ABCC4: variants seen among roughly 807,000 people sequenced by gnomAD.
The protein encoded by ABCC4 is ATP-binding cassette sub-family C member 4.
ABCC4 carries 102 observed loss-of-function variants against 168.5 expected under a neutral mutation model. The observed-to-expected ratio is 0.61, with a 90% CI of 0.52 to 0.71. The LOEUF (loss-of-function observed/expected upper bound fraction) is 0.71, where lower values mean the gene tolerates loss of function less well. ABCC4 is among the 30% of genes least tolerant of loss of function. The pLI is 0.00. For synonymous variants in ABCC4, 617 were observed against 590.7 expected (o/e 1.04, Z -0.65); for missense variants, 1,402 against 1,605.8 (o/e 0.87, Z 2.17).
At chr13:95,075,991 C>T (rs1368185189) in intron 21 of ABCC4, among the ~76,000 whole-genome samples, 1 of 152,164 alleles carries the variant, frequency 6.6e-6, no homozygotes, top group Non-Finnish European at 1.5e-5. Context: ...TGTCTGTCCC[C>T]ACCTTAAATT....
chr13:95,132,011 A>T (rs2035983942), intron 19 of ABCC4, among the ~76,000 whole-genome samples: 2 of 152,210 alleles, frequency 1.3e-5, no homozygotes. Context: ...TCATGTTCAC[A>T]GCAGCACTAT....
At position 95,186,856 on chromosome 13, in the gene ABCC4, G is replaced by A. The variant is rs1228593976; in HGVS notation, c.1390C>T (p.Pro464Ser). ...TGCACGCTGACCAGCCCGTGACTTG[G>A]GGCCAATTCCCCGAGCACGGCACTT... is the stretch of plus-strand genomic sequence containing the variant. ...LLSAVLGELA[P>S]SHGLVSVHGR... The change falls in exon 11 of 31, where the codon CCA becomes TCA. Residue 464 changes from proline (P) to serine (S), a missense_variant. By Grantham distance (74) the Pro-to-Ser change is moderately conservative. Transcript: ENST00000645237. The A allele has an allele frequency of 1.9e-6, 3 of 1,613,372 alleles. No individual in the cohort carries two copies. The highest frequency in any genetic ancestry group is 2.2e-5 in the South Asian group (2 of 90,864).
At chr13:95,106,342 T>C (rs1467805098) in intron 20 of ABCC4, among the ~76,000 whole-genome samples, 3 of 149,856 alleles carry the variant, frequency 2.0e-5, no homozygotes, top group Admixed American at 2.0e-4. Flanking sequence ...TGTGTGTGCG[T>C]ATATATGTGC....
At chr13:95,109,386 G>A (rs541870127) in intron 20 of ABCC4, among the ~76,000 whole-genome samples, 55 of 77,922 alleles carry the variant, frequency 7.1e-4, no homozygotes, top group African/African-American at 2.3e-3. Flanking sequence ...AGCCACAGGT[G>A]TGCAAACACA....
Position 95,074,344 on chromosome 13 carries a change from TA to T in ABCC4, c.2807-21del, listed in dbSNP as rs11568706. The T allele has an allele frequency of 3.6e-5, 57 of 1,573,210 alleles. No homozygotes were observed. The African/African-American group carries it at 7.2e-4, about 20-fold the overall frequency. On this transcript the variant is annotated intron_variant, in intron 22 of 30. Coordinates refer to ENST00000645237, the MANE Select transcript of ABCC4 (RefSeq NM_005845.5). ...AAGCCTCTGAATTTGAGAACGGTAA[TA>T]AGCATGATGAATAAGTAGATGAATG...
rs764533937 is a variant in ABCC4 at position 95,177,987 on chromosome 13, T to G, written c.1640+10A>C. 8 of 1,613,930 alleles carry G rather than the reference T, an allele frequency of 5.0e-6. No homozygotes were observed. In the Admixed American group the frequency reaches 1.0e-4, roughly 20 times the overall value. ...GACACCGGCATAGTGGCTGCTGAAATGCAACTTACCTTGCAAGGTTTACCC... is the reference window on the plus strand; with the variant it reads ...GACACCGGCATAGTGGCTGCTGAAAGGCAACTTACCTTGCAAGGTTTACCC... On this transcript the variant is annotated intron_variant, in intron 12 of 30. Transcript: ENST00000645237.
Position 95,301,352 on chromosome 13 carries a change from G to C in ABCC4, c.-38C>G. 1.9e-6 allele frequency: 3 copies of C among 1,543,088 alleles called. No homozygotes were observed. The stretch of plus-strand genomic sequence containing the variant: ...GGCGGGCGCGGGCCGGGGTCGCGCT[G>C]ATCAGGCGGCGGTGGCCGCGGGCTC... On this transcript the variant is annotated 5_prime_UTR_variant, in exon 1 of 31. It adds an upstream start codon to the 5' untranslated region. Coordinates refer to ENST00000645237, the MANE Select transcript of ABCC4 (RefSeq NM_005845.5).
chr13:95,158,429 G>A (rs1467225170), intron 19 of ABCC4, among the ~76,000 whole-genome samples: 5 of 152,246 alleles, frequency 3.3e-5, no homozygotes, highest in Non-Finnish European at 7.4e-5. Context: ...CCAGACCCCC[G>A]GTGTGAATCA....
At chr13:95,209,846 G>A (rs992913001) in intron 5 of ABCC4, among the ~76,000 whole-genome samples, 7 of 152,204 alleles carry the variant, frequency 4.6e-5, no homozygotes, top group Non-Finnish European at 8.8e-5. Context: ...TGTCTTGATC[G>A]TGACTATCTT....
intron 1 of ABCC4, among the ~76,000 whole-genome samples, chr13:95,252,820 C>T (rs2040300403): frequency 6.6e-6 from 1 of 152,178 alleles, no homozygotes; most frequent in Non-Finnish European, 1.5e-5. Flanking sequence ...GGGGGGACTA[C>T]TGTACATCTA....
intron 19 of ABCC4, among the ~76,000 whole-genome samples, chr13:95,158,890 T>C (rs1459515102): frequency 6.6e-6 from 1 of 151,454 alleles, no homozygotes; most frequent in Non-Finnish European, 1.5e-5. Flanking sequence ...GGTAACATAG[T>C]GAGATCCCAT....
At chr13:95,202,398 TA>T (rs1428389840) in intron 8 of ABCC4, among the ~76,000 whole-genome samples, 3 of 152,200 alleles carry the variant, frequency 2.0e-5, no homozygotes, top group Non-Finnish European at 4.4e-5. Context: ...GAACTCTGAC[TA>T]ATACAGACGG....
intron 8 of ABCC4, among the ~76,000 whole-genome samples, chr13:95,202,329 C>G (rs1483836679): frequency 3.3e-5 from 5 of 152,198 alleles, no homozygotes; most frequent in Non-Finnish European, 7.3e-5. Context: ...ATCAATCAAT[C>G]TACCAATCTC....
intron 3 of ABCC4, among the ~76,000 whole-genome samples, chr13:95,244,669 G>C (rs9561818): frequency 0.03 from 2,039 of 67,834 alleles, 129 homozygotes; most frequent in Non-Finnish European, 0.039. Flanking sequence ...AAGAAAGAAA[G>C]AAATCATAGC....
intron 24 of ABCC4, 71 bp downstream of exon 24, chr13:95,073,133 A>C: frequency 7.9e-7 from 1 of 1,260,730 alleles, no homozygotes; most frequent in Non-Finnish European, 1.1e-6. Flanking sequence ...AATATTTCAC[A>C]TAAGAATGGC....
At chr13:95,210,635 A>G in intron 5 of ABCC4, 57 bp downstream of exon 5, 1 of 1,422,896 alleles carries the variant, frequency 7.0e-7, no homozygotes, top group Non-Finnish European at 9.9e-7. Context: ...AGAAAGAATA[A>G]AAGGGGAAAG....
At chr13:95,254,217 A>G (rs1031600678) in intron 1 of ABCC4, among the ~76,000 whole-genome samples, 1 of 152,214 alleles carries the variant, frequency 6.6e-6, no homozygotes, top group African/African-American at 2.4e-5. Context: ...TTTTATAAAC[A>G]GAACTGGTAA....
chr13:95,237,541 G>C (rs917367134), intron 3 of ABCC4, among the ~76,000 whole-genome samples: 2 of 152,136 alleles, frequency 1.3e-5, no homozygotes, highest in African/African-American at 4.8e-5. Context: ...GGAGGTTTTT[G>C]AGAGTCCAGT....
intron 4 of ABCC4, among the ~76,000 whole-genome samples, chr13:95,227,930 G>A (rs1182768308): frequency 1.3e-5 from 2 of 152,068 alleles, no homozygotes; most frequent in Admixed American, 6.6e-5. Context: ...GGCTGGTCTC[G>A]AACTCCTGGC....
Sources: gnomAD v4.1 joint callset for allele counts (sites outside exome capture counted in the v4.1 genomes callset) on GRCh38, gnomAD v4.1.1 for gene constraint, MANE v1.5 for transcripts, NCBI Gene and HGNC (gene_info 2026-07-23, HGNC 2026-07-21) for gene names.